The following CACNA2D1 variants were observed in gnomAD, a reference collection of about 807,000 sequenced individuals.
CACNA2D1 encodes the protein calcium voltage-gated channel auxiliary subunit alpha2delta 1.
A neutral mutation model predicts 171.5 loss-of-function variants in CACNA2D1; 53 were observed. The observed-to-expected ratio is 0.31, with a 90% confidence interval of 0.25 to 0.39. The LOEUF (loss-of-function observed/expected upper bound fraction) is 0.39, where lower values mean the gene tolerates loss of function less well. CACNA2D1 is among the 10% of genes least tolerant of loss of function. The probability of loss-of-function intolerance (pLI) is 1.00; values close to 1 mark genes in which losing one functional copy is unlikely to be tolerated. For missense variants in CACNA2D1, 903 were observed against 1,299.8 expected (o/e 0.69, Z 4.69); for synonymous variants, 442 against 443.1 (o/e 1.00, Z 0.03).
intron 6 of CACNA2D1, among the ~76,000 whole-genome samples, chr7:82,093,192 C>T (rs917895105): frequency 7.2e-5 from 11 of 152,166 alleles, no homozygotes; most frequent in African/African-American, 2.6e-4. Context: ...AAGTGTTTTA[C>T]CCTCTCTAAA....
chr7:82,125,752 A>T (rs1790263740), intron 5 of CACNA2D1, among the ~76,000 whole-genome samples: 1 of 152,130 alleles, frequency 6.6e-6, no homozygotes, highest in African/African-American at 2.4e-5. Context: ...ACCTATAATG[A>T]TATGAAAACA....
At chr7:82,051,730 T>C (rs1805219112) in intron 10 of CACNA2D1, among the ~76,000 whole-genome samples, 1 of 152,314 alleles carries the variant, frequency 6.6e-6, no homozygotes, top group East Asian at 1.9e-4. Context: ...AATGTCAAAC[T>C]CCCTCACATT....
intron 6 of CACNA2D1, among the ~76,000 whole-genome samples, chr7:82,102,490 A>ATT: frequency 6.6e-6 from 1 of 151,788 alleles, no homozygotes; most frequent in South Asian, 2.1e-4. Flanking sequence ...ATATATACAC[A>ATT]CACACACACG....
intron 3 of CACNA2D1, among the ~76,000 whole-genome samples, chr7:82,304,486 G>A (rs1813459623): frequency 1.3e-5 from 2 of 152,006 alleles, no homozygotes; most frequent in Admixed American, 1.3e-4. Context: ...AAGAAAATGT[G>A]GTAGCATATA....
At chr7:82,220,219 T>C (rs1801597612) in intron 3 of CACNA2D1, among the ~76,000 whole-genome samples, 1 of 152,198 alleles carries the variant, frequency 6.6e-6, no homozygotes, top group African/African-American at 2.4e-5. Context: ...AATAAGATAC[T>C]TTTGAGAACT....
At chr7:82,418,290 C>T (rs949136318) in intron 1 of CACNA2D1, among the ~76,000 whole-genome samples, 1 of 152,094 alleles carries the variant, frequency 6.6e-6, no homozygotes, top group Non-Finnish European at 1.5e-5. Context: ...GTCCCCCCTA[C>T]CACAACACAT....
intron 3 of CACNA2D1, among the ~76,000 whole-genome samples, chr7:82,291,428 T>A (rs1811557502): frequency 7.3e-6 from 1 of 136,136 alleles, no homozygotes; most frequent in Non-Finnish European, 1.5e-5. Context: ...AGATATATAA[T>A]ATATAAAATA....
intron 1 of CACNA2D1, 34 bp downstream of exon 1, chr7:82,443,331 C>G (rs1830654419): frequency 6.3e-7 from 1 of 1,582,972 alleles, no homozygotes; most frequent in Non-Finnish European, 8.6e-7. Context: ...CGGCGCCCCT[C>G]GGCCGGCGCT....
chr7:82,217,443 T>A (rs1801268387), intron 3 of CACNA2D1, among the ~76,000 whole-genome samples: 1 of 105,762 alleles, frequency 9.5e-6, no homozygotes, highest in South Asian at 2.9e-4. Flanking sequence ...AACGACTATG[T>A]CTTTAGGATA....
At position 82,032,791 on chromosome 7, in the gene CACNA2D1, A is replaced by C; in HGVS notation, c.1143+6T>G. On this transcript the variant is annotated splice_donor_region_variant and intron_variant, in intron 12 of 38. Transcript: ENST00000356860. ...TAAAATTTAAATATTATAAAATTAC[A>C]CTCACTTTTTTATCTTTATTGTATT... is the stretch of plus-strand genomic sequence containing the variant. 7.1e-7 allele frequency: 1 copy of C among 1,408,872 alleles called. No individual in the cohort carries two copies. The highest frequency in any genetic ancestry group is 1.0e-6 in the Non-Finnish European group (1 of 1,001,168). 87.3% of individuals were successfully genotyped at this position (1,408,872 alleles called of 1,614,324 possible). A position where few individuals can be genotyped will look rare whatever the true frequency, so the allele number is the denominator to read the frequency against.
chr7:82,422,642 G>T (rs1020678024), intron 1 of CACNA2D1, among the ~76,000 whole-genome samples: 2 of 152,052 alleles, frequency 1.3e-5, no homozygotes, highest in Non-Finnish European at 2.9e-5. Context: ...CAACAGTCTG[G>T]AAAAACTCCA....
intron 2 of CACNA2D1, among the ~76,000 whole-genome samples, chr7:82,341,891 CAA>C (rs33984896): frequency 0.18 from 26,717 of 147,256 alleles, 2,779 homozygotes; most frequent in African/African-American, 0.28. Flanking sequence ...ACTAAAAATA[CAA>C]AAAAAAAAAA....
rs557745177 is a variant in CACNA2D1, at chr7:82,381,113, C to A, written c.96-31464G>T. Among the ~76,000 whole-genome samples the A allele has an allele frequency of 8.2e-4, 125 of 152,006 alleles. 1 individual carries two copies. The highest frequency in any genetic ancestry group is 7.7e-3 in the South Asian group (37 of 4,806). On this transcript the variant is annotated intron_variant, in intron 1 of 38. Transcript: ENST00000356860. ...GGATCACGAGGTCAGGAGATCGAGA[C>A]CATCCTGCTTAACACGGTGAAACCC...
intron 1 of CACNA2D1, among the ~76,000 whole-genome samples, chr7:82,433,123 G>C (rs1356076889): frequency 6.6e-6 from 1 of 151,436 alleles, no homozygotes; most frequent in Non-Finnish European, 1.5e-5. Flanking sequence ...GGAAGGCAGA[G>C]ATTGCAGTGA....
intron 3 of CACNA2D1, 89 bp downstream of exon 3, chr7:82,335,046 G>A (rs965281363): frequency 9.5e-6 from 8 of 844,718 alleles, no homozygotes; most frequent in African/African-American, 5.0e-5. Context: ...GAAGAAGAAC[G>A]CATACCAAAA....
At chr7:82,187,902 G>C (rs755063389) in intron 3 of CACNA2D1, among the ~76,000 whole-genome samples, 9 of 152,120 alleles carry the variant, frequency 5.9e-5, no homozygotes, top group Non-Finnish European at 1.2e-4. Flanking sequence ...TGGTTCATAG[G>C]CATACATATG....
chr7:81,982,666 GAGTA>G (rs1209442049), intron 23 of CACNA2D1, 39 bp from the exon 24 acceptor site: 8 of 1,199,472 alleles, frequency 6.7e-6, no homozygotes, highest in Non-Finnish European at 7.5e-6. Context: ...AGGTAATTCA[GAGTA>G]TATATCCAGA....
intron 3 of CACNA2D1, among the ~76,000 whole-genome samples, chr7:82,265,839 G>T (rs1331206937): frequency 6.6e-6 from 1 of 151,906 alleles, no homozygotes; most frequent in African/African-American, 2.4e-5. Flanking sequence ...GTTTAATTTG[G>T]AGAACTGAGA....
chr7:82,243,329 G>A (rs1185530776), intron 3 of CACNA2D1, among the ~76,000 whole-genome samples: 1 of 151,976 alleles, frequency 6.6e-6, no homozygotes, highest in African/African-American at 2.4e-5. Context: ...AAGAATCCTG[G>A]CTGATTTTAG....
Sources: allele counts gnomAD v4.1 joint callset (sites outside exome capture counted in the v4.1 genomes callset), GRCh38; gene constraint gnomAD v4.1.1; transcripts MANE v1.5; gene names NCBI Gene and HGNC (gene_info 2026-07-23, HGNC 2026-07-21).